Variants in IQCM observed in about 807,000 individuals in gnomAD.
IQCM encodes IQ domain-containing protein M.
A neutral mutation model predicts 57.6 loss-of-function variants in IQCM; 45 were observed. The observed-to-expected ratio is 0.78, with a 90% CI of 0.62 to 1.00. IQCM has a LOEUF of 1.00. Among genes scored for constraint, IQCM ranks in the 50% least tolerant of loss-of-function variants. The probability of loss-of-function intolerance (pLI) is 0.00; values close to 1 mark genes in which losing one functional copy is unlikely to be tolerated. For synonymous variants in IQCM, 148 were observed against 158.9 expected (o/e 0.93, Z 0.51); for missense variants, 468 against 511.6 (o/e 0.91, Z 0.82).
intron 13 of IQCM, among the ~76,000 whole-genome samples, chr4:149,407,098 A>G (rs1274957719): frequency 6.6e-6 from 1 of 152,128 alleles, no homozygotes; most frequent in Non-Finnish European, 1.5e-5. Context: ...AAGCCATCAG[A>G]CTTCGTGAGA....
intron 12 of IQCM, among the ~76,000 whole-genome samples, chr4:149,520,391 G>T (rs1745506865): frequency 6.6e-6 from 1 of 152,032 alleles, no homozygotes. Context: ...TTTGCCTGTT[G>T]TCCCAGGGTA....
At chr4:149,689,410 G>T (rs577482646) in intron 5 of IQCM, among the ~76,000 whole-genome samples, 1 of 152,056 alleles carries the variant, frequency 6.6e-6, no homozygotes, top group Admixed American at 6.6e-5. Context: ...GGCCTGTGGG[G>T]GATGGGAGAA....
In IQCM at chr4:149,361,634, T is replaced by G. The variant is rs535999764; in HGVS notation, c.1391-9568A>C. ...GGCAACTTCCACATGGTGTTGAGCC[T>G]GTGGGTGCACATAAGTCAAGAATTG... On this transcript the variant is annotated intron_variant, in intron 13 of 13. Coordinates refer to ENST00000636793, the MANE Select transcript of IQCM (RefSeq NM_001363507.2). Among the ~76,000 whole-genome samples, 394 of 152,298 alleles carry G rather than the reference T, an allele frequency of 2.6e-3. 3 individuals are homozygous for G. Among genetic ancestry groups the G allele is most frequent in the African/African-American group, 9.0e-3 (376 of 41,566 alleles).
chr4:149,478,758 G>A (rs1208354513), intron 12 of IQCM, among the ~76,000 whole-genome samples: 1 of 151,996 alleles, frequency 6.6e-6, no homozygotes, highest in Admixed American at 6.6e-5. Context: ...GTCTTTCTAG[G>A]GACTCCTAGG....
rs1291760124 is a variant in IQCM at position 149,539,881 on chromosome 4, TAA to T, written c.1228+8572_1228+8573del. Among the ~76,000 whole-genome samples the T allele has an allele frequency of 2.6e-5, 4 of 151,982 alleles. No individual in the cohort carries two copies. The East Asian group carries it at 5.8e-4, about 22-fold the overall frequency. The stretch of plus-strand genomic sequence containing the variant: ...CTTCATCTCAAAAAATAAAATAAAA[TAA>T]AAAGAGAATCTTTATTGCATCCTGA... On this transcript the variant is annotated intron_variant, in intron 12 of 13. Coordinates refer to ENST00000636793, the MANE Select transcript of IQCM (RefSeq NM_001363507.2).
chr4:149,493,307 A>T (rs72726111), intron 12 of IQCM, among the ~76,000 whole-genome samples: 1,844 of 152,222 alleles, frequency 0.012, 18 homozygotes, highest in Non-Finnish European at 0.02. Flanking sequence ...ACAAAAACTT[A>T]AATGAACTTT....
intron 2 of IQCM, among the ~76,000 whole-genome samples, chr4:149,785,807 C>G (rs1351882498): frequency 6.8e-6 from 1 of 148,030 alleles, no homozygotes; most frequent in Non-Finnish European, 1.5e-5. Context: ...CTTTTACAAC[C>G]CTTTAAAAAT....
chr4:149,358,880 A>ATATATTCTCAT, intron 13 of IQCM, among the ~76,000 whole-genome samples: 1 of 151,094 alleles, frequency 6.6e-6, no homozygotes, highest in South Asian at 2.1e-4. Flanking sequence ...GTATATCATG[A>ATATATTCTCAT]GACCACAGTG....
intron 5 of IQCM, among the ~76,000 whole-genome samples, chr4:149,690,420 G>A (rs1416175611): frequency 6.6e-6 from 1 of 151,872 alleles, no homozygotes; most frequent in African/African-American, 2.4e-5. Flanking sequence ...TGGGGACTTG[G>A]GGGGAAAGGT....
At chr4:149,416,483 T>C (rs1187188345) in intron 13 of IQCM, among the ~76,000 whole-genome samples, 1 of 152,064 alleles carries the variant, frequency 6.6e-6, no homozygotes, top group Non-Finnish European at 1.5e-5. Context: ...TTGGTATACA[T>C]TAGAATCTCC....
intron 12 of IQCM, among the ~76,000 whole-genome samples, chr4:149,533,877 A>C (rs937022088): frequency 2.6e-5 from 4 of 152,094 alleles, no homozygotes; most frequent in African/African-American, 9.7e-5. Flanking sequence ...AAATAGCAAG[A>C]TTTAATAGAA....
intron 13 of IQCM, among the ~76,000 whole-genome samples, chr4:149,388,872 T>C (rs1035746752): frequency 1.3e-5 from 2 of 150,708 alleles, no homozygotes; most frequent in Non-Finnish European, 3.0e-5. Context: ...TCTTATATAT[T>C]GAACACAAGG....
chr4:149,465,958 T>C (rs1314578619), intron 12 of IQCM, among the ~76,000 whole-genome samples: 2 of 152,168 alleles, frequency 1.3e-5, no homozygotes, highest in East Asian at 3.9e-4. Context: ...ACCTTATTTA[T>C]AATCAGAGAA....
intron 7 of IQCM, among the ~76,000 whole-genome samples, chr4:149,653,752 T>A (rs1196179257): frequency 6.6e-6 from 1 of 152,116 alleles, no homozygotes; most frequent in Non-Finnish European, 1.5e-5. Flanking sequence ...TTTTATAAAT[T>A]ATTTATAATT....
At chr4:149,576,019 G>C (rs1237957702) in intron 9 of IQCM, among the ~76,000 whole-genome samples, 1 of 151,688 alleles carries the variant, frequency 6.6e-6, no homozygotes, top group African/African-American at 2.4e-5. Context: ...TTTCCTTCTG[G>C]CATAGATAAA....
Position 149,518,612 on chromosome 4 carries a change from T to C in IQCM, c.1228+29843A>G, listed in dbSNP as rs781657207. Among the ~76,000 whole-genome samples the C allele has an allele frequency of 2.6e-4, 39 of 152,154 alleles. 1 individual carries two copies. Among genetic ancestry groups the C allele is most frequent in the Middle Eastern group, 3.4e-3 (1 of 294 alleles). ...CCAGGAAAATAGGAAGAAAAGAAAG[T>C]CAGAGATATTGTGAAAGAAGGTTTT... On this transcript the variant is annotated intron_variant, in intron 12 of 13. Coordinates refer to ENST00000636793, the MANE Select transcript of IQCM (RefSeq NM_001363507.2).
chr4:149,477,906 G>T (rs1036165929), intron 12 of IQCM, among the ~76,000 whole-genome samples: 2 of 152,246 alleles, frequency 1.3e-5, no homozygotes, highest in African/African-American at 2.4e-5. Context: ...GGAAGGACTT[G>T]CTTAGTGGAG....
At chr4:149,631,905 A>G (rs2150095117) in intron 7 of IQCM, among the ~76,000 whole-genome samples, 1 of 152,312 alleles carries the variant, frequency 6.6e-6, no homozygotes, top group South Asian at 2.1e-4. Flanking sequence ...TCTGAGGCAA[A>G]TGCATACGAG....
At chr4:149,568,225 C>T (rs181201375) in intron 9 of IQCM, among the ~76,000 whole-genome samples, 1 of 152,198 alleles carries the variant, frequency 6.6e-6, no homozygotes, top group East Asian at 1.9e-4. Flanking sequence ...CTCCAGGTCA[C>T]GGTCTCTGGA....
Sources: gnomAD v4.1 joint callset for allele counts (sites outside exome capture counted in the v4.1 genomes callset) on GRCh38, gnomAD v4.1.1 for gene constraint, MANE v1.5 for transcripts, NCBI Gene and HGNC (gene_info 2026-07-23, HGNC 2026-07-21) for gene names.